Variants in CDC42BPA observed in about 807,000 individuals in gnomAD.
CDC42BPA encodes CDC42 binding protein kinase alpha.
A neutral mutation model predicts 223.5 loss-of-function variants in CDC42BPA; 80 were observed. The ratio of observed to expected loss-of-function variants is 0.36; its 90% CI spans 0.30 to 0.43. The LOEUF (loss-of-function observed/expected upper bound fraction) is 0.43. Ranked by LOEUF, CDC42BPA falls within the 20% of genes least tolerant of loss-of-function variation. The pLI, the probability that CDC42BPA is intolerant of heterozygous loss-of-function variation, is 1.00. For synonymous variants in CDC42BPA, 694 were observed against 718.6 expected (o/e 0.97, Z 0.55); for missense variants, 1,743 against 2,099.9 (o/e 0.83, Z 3.32).
At chr1:227,202,126 G>A (rs1671883710) in intron 3 of CDC42BPA, among the ~76,000 whole-genome samples, 3 of 152,158 alleles carry the variant, frequency 2.0e-5, no homozygotes, top group Non-Finnish European at 2.9e-5. Context: ...GGGACTACAG[G>A]TGAGTGCCAC....
At chr1:227,294,929 G>GGA (rs1690402217) in intron 1 of CDC42BPA, among the ~76,000 whole-genome samples, 1 of 127,370 alleles carries the variant, frequency 7.9e-6, no homozygotes, top group Admixed American at 8.0e-5. Context: ...CACATTAAGT[G>GGA]AAAAAAAAAA....
rs72110440 is a variant in CDC42BPA, at chr1:227,089,627, GTTTT to G, written c.2355+2255_2355+2258del. Among the ~76,000 whole-genome samples the G allele has an allele frequency of 1.8e-3, 211 of 116,714 alleles. 1 individual carries two copies. The highest frequency in any genetic ancestry group is 6.5e-3 in the African/African-American group (199 of 30,404). The allele number at this position is 116,714 out of a possible 152,430, so 76.6% of individuals were successfully genotyped here. On this transcript the variant is annotated intron_variant, in intron 16 of 36. Coordinates refer to ENST00000366766, the MANE Select transcript of CDC42BPA (RefSeq NM_001394014.1). ...CAATTTAGCAAGAATGGGTAATTCCGTTTTTTTTTTTTTTTTTTTTTTTTAAAAA... is the reference window on the plus strand; with the variant it reads ...CAATTTAGCAAGAATGGGTAATTCCGTTTTTTTTTTTTTTTTTTTTAAAAA...
In CDC42BPA at chr1:227,142,994, A is replaced by G; in HGVS notation, c.1174T>C (p.Phe392Leu). Reference sequence around the variant, plus strand: ...ACAAATGGCAGATGGTGGCCAGAAAATGCAGTATGTGTTGGTGGGGGCATC... The same window carrying G: ...ACAAATGGCAGATGGTGGCCAGAAAGTGCAGTATGTGTTGGTGGGGGCATC... The part of the protein sequence containing the change: ...ETMPPPTHTA[F>L]SGHHLPFVGF... The change falls in exon 9 of 37, where the codon TTT becomes CTT. Residue 392 changes from phenylalanine to leucine, a missense_variant. By Grantham distance (22) the Phe-to-Leu change is conservative. Around this residue, in one of 6 missense-constraint regions of CDC42BPA, gnomAD observed 321 missense variants for 488.7 expected, o/e 0.66. Coordinates refer to ENST00000366766, the MANE Select transcript of CDC42BPA (RefSeq NM_001394014.1). 1 of 1,539,158 alleles carries G rather than the reference A, an allele frequency of 6.5e-7. No individual in the cohort carries two copies. The highest frequency in any genetic ancestry group is 1.4e-5 in the African/African-American group (1 of 69,766).
At chr1:227,214,535 C>T (rs565798837) in intron 2 of CDC42BPA, among the ~76,000 whole-genome samples, 2 of 152,310 alleles carry the variant, frequency 1.3e-5, no homozygotes, top group Admixed American at 6.5e-5. Context: ...GCGGTGAACA[C>T]ACCACGTGAG....
chr1:227,141,058 T>G (rs1023133072), intron 9 of CDC42BPA, among the ~76,000 whole-genome samples: 10 of 152,120 alleles, frequency 6.6e-5, no homozygotes, highest in Non-Finnish European at 1.5e-4. Context: ...ATTTTAAAAG[T>G]ATGGAGCTGT....
At chr1:227,273,937 A>G in intron 1 of CDC42BPA, among the ~76,000 whole-genome samples, 1 of 112,750 alleles carries the variant, frequency 8.9e-6, no homozygotes. Context: ...TGGGATTGGG[A>G]GGTGGTGGTG....
chr1:227,205,284 ATATATAT>A (rs1325673557), intron 3 of CDC42BPA, among the ~76,000 whole-genome samples: 51 of 88,586 alleles, frequency 5.8e-4, no homozygotes, highest in African/African-American at 1.2e-3. Context: ...AAAAAAAAAA[ATATATAT>A]ATATATATAT....
intron 15 of CDC42BPA, among the ~76,000 whole-genome samples, chr1:227,096,687 C>A (rs911195256): frequency 6.6e-6 from 1 of 152,230 alleles, no homozygotes; most frequent in African/African-American, 2.4e-5. Flanking sequence ...TTCCTGGCTT[C>A]TTTTCAGCTG....
At chr1:227,265,204 A>G in intron 1 of CDC42BPA, 2 of 612,406 alleles carry the variant, frequency 3.3e-6, no homozygotes, top group Admixed American at 5.2e-5. Flanking sequence ...GCGTGCTAAA[A>G]GTGCACACTT....
chr1:227,304,228 G>A (rs1407425243), intron 1 of CDC42BPA, among the ~76,000 whole-genome samples: 1 of 151,980 alleles, frequency 6.6e-6, no homozygotes, highest in South Asian at 2.1e-4. Flanking sequence ...TCAACATGGC[G>A]ATACCCCCTC....
chr1:227,091,350 T>A (rs915888039), intron 16 of CDC42BPA, among the ~76,000 whole-genome samples: 2 of 152,164 alleles, frequency 1.3e-5, no homozygotes, highest in Admixed American at 1.3e-4. Context: ...AGGCCCCTCA[T>A]GAATGGTTTA....
rs143365109 is a variant in CDC42BPA, at chr1:227,104,069, T to C, written c.2002-2830A>G. ...TTACTGTGCAGAGAGTTTTATGAAT[T>C]GGTAAGAAAAACATTAAGACTACTA... On this transcript the variant is annotated intron_variant, in intron 14 of 36. Transcript: ENST00000366766. 2.6e-5 allele frequency among the ~76,000 whole-genome samples: 4 copies of C among 152,194 alleles called. No homozygotes were observed. The East Asian group carries it at 7.7e-4, about 29-fold the overall frequency.
chr1:227,242,475 A>C (rs1417255323), intron 2 of CDC42BPA, among the ~76,000 whole-genome samples: 1 of 152,164 alleles, frequency 6.6e-6, no homozygotes, highest in Non-Finnish European at 1.5e-5. Context: ...GCTATCATTA[A>C]TTGAAGATCA....
chr1:227,215,401 A>G (rs1265526813), intron 2 of CDC42BPA, among the ~76,000 whole-genome samples: 3 of 152,156 alleles, frequency 2.0e-5, no homozygotes, highest in Admixed American at 1.3e-4. Flanking sequence ...CCTTGTCATG[A>G]TCATGGGGTT....
intron 31 of CDC42BPA, 148 bp from the exon 32 acceptor site, chr1:227,023,495 C>T: frequency 4.0e-6 from 2 of 501,618 alleles, no homozygotes; most frequent in South Asian, 5.9e-5. Context: ...AACAATAATT[C>T]TGACTGGAAA....
chr1:227,029,906 G>A (rs1218374394), intron 29 of CDC42BPA, among the ~76,000 whole-genome samples: 2 of 151,650 alleles, frequency 1.3e-5, no homozygotes, highest in East Asian at 1.9e-4. Context: ...AGGCCAAGGC[G>A]GGTGGATCAC....
intron 1 of CDC42BPA, among the ~76,000 whole-genome samples, chr1:227,306,928 A>G (rs1692660150): frequency 6.6e-6 from 1 of 152,224 alleles, no homozygotes; most frequent in Non-Finnish European, 1.5e-5. Context: ...TAAGTAAACG[A>G]TGATACTTAA....
chr1:227,316,848 T>C (rs1195279650), intron 1 of CDC42BPA, among the ~76,000 whole-genome samples, 157 bp downstream of exon 1: 2 of 152,208 alleles, frequency 1.3e-5, no homozygotes, highest in Non-Finnish European at 2.9e-5. Flanking sequence ...GGGAAAATAT[T>C]TACCAAAAAC....
intron 1 of CDC42BPA, among the ~76,000 whole-genome samples, chr1:227,256,948 G>GACAGAC (rs1683154266): frequency 7.1e-6 from 1 of 141,006 alleles, no homozygotes; most frequent in Non-Finnish European, 1.5e-5. Context: ...TATATATACA[G>GACAGAC]ACACACACAC....
Sources: allele counts gnomAD v4.1 joint callset (sites outside exome capture counted in the v4.1 genomes callset), GRCh38; gene constraint gnomAD v4.1.1; regional missense constraint gnomAD v4.1.1; transcripts MANE v1.5; gene names NCBI Gene and HGNC (gene_info 2026-07-23, HGNC 2026-07-21).